Variants in DOK5 observed in about 807,000 individuals in gnomAD.
The protein encoded by DOK5 is downstream of tyrosine kinase 5.
Under a neutral mutation model 43.3 loss-of-function variants are expected in DOK5, and 27 were observed. The ratio of observed to expected loss-of-function variants is 0.62; its 90% CI spans 0.46 to 0.86. The LOEUF is 0.86. Among genes scored for constraint, DOK5 ranks in the 40% least tolerant of loss-of-function variants. The pLI, the probability that DOK5 is intolerant of heterozygous loss-of-function variation, is 0.00. For synonymous variants in DOK5, 146 were observed against 140.1 expected (o/e 1.04, Z -0.30); for missense variants, 373 against 392.9 (o/e 0.95, Z 0.43).
rs1985985691 is a variant in DOK5, at chr20:54,591,783, T to C, written c.577T>C (p.Trp193Arg). 1.2e-6 allele frequency: 2 copies of C among 1,612,552 alleles called. No individual in the cohort carries two copies. The highest frequency in any genetic ancestry group is 1.7e-6 in the Non-Finnish European group (2 of 1,179,654). Residue 193 changes from tryptophan (W) to arginine (R), a missense_variant, in exon 5 of 8, where the codon TGG (tryptophan) becomes CGG (arginine). Coordinates refer to ENST00000262593, the MANE Select transcript of DOK5 (RefSeq NM_018431.5). Reference protein sequence around the residue: ...ALRRYGRDTTWFTFEAGRMCE... With the variant: ...ALRRYGRDTTRFTFEAGRMCE... Reference sequence around the variant, plus strand: ...GCGGCGGTATGGACGTGATACTACGTGGTTCACTTTTGAGGCAGGGAGGTG... The same window carrying C: ...GCGGCGGTATGGACGTGATACTACGCGGTTCACTTTTGAGGCAGGGAGGTG...
intron 1 of DOK5, among the ~76,000 whole-genome samples, chr20:54,528,158 G>C (rs1197751680): frequency 6.6e-6 from 1 of 152,154 alleles, no homozygotes; most frequent in Non-Finnish European, 1.5e-5. Context: ...AGTGAGCTGA[G>C]ATCGTACCAT....
At chr20:54,607,894 AAC>A (rs58969703) in intron 5 of DOK5, among the ~76,000 whole-genome samples, 5 of 151,072 alleles carry the variant, frequency 3.3e-5, no homozygotes, top group Admixed American at 1.3e-4. Context: ...AACAAAACAA[AAC>A]AAAACAAAAC....
At chr20:54,642,556 A>AG (rs966041928) in intron 6 of DOK5, among the ~76,000 whole-genome samples, 35 of 148,108 alleles carry the variant, frequency 2.4e-4, no homozygotes, top group African/African-American at 8.7e-4. Context: ...ATACAAAAAA[A>AG]AAAAAAAAAA....
chr20:54,598,779 A>G (rs190552589), intron 5 of DOK5, among the ~76,000 whole-genome samples: 1 of 152,368 alleles, frequency 6.6e-6, no homozygotes, highest in Admixed American at 6.5e-5. Context: ...AATTGCATAT[A>G]CAAATACTTT....
chr20:54,646,356 T>C (rs1183138086), intron 7 of DOK5, among the ~76,000 whole-genome samples: 1 of 145,456 alleles, frequency 6.9e-6, no homozygotes, highest in East Asian at 2.2e-4. Flanking sequence ...TGGGCACCAG[T>C]GATCCTCCTG....
At chr20:54,513,167 A>G (rs1222609919) in intron 1 of DOK5, among the ~76,000 whole-genome samples, 1 of 152,152 alleles carries the variant, frequency 6.6e-6, no homozygotes, top group Non-Finnish European at 1.5e-5. Flanking sequence ...GAGTGTACCC[A>G]GGGATGCTCC....
At chr20:54,617,899 GC>G (rs1468808525) in intron 6 of DOK5, among the ~76,000 whole-genome samples, 4 of 152,064 alleles carry the variant, frequency 2.6e-5, no homozygotes, top group Non-Finnish European at 5.9e-5. Flanking sequence ...TATTTTTCAG[GC>G]CTCCTACAAT....
chr20:54,508,236 C>T (rs1982885040), intron 1 of DOK5, among the ~76,000 whole-genome samples: 1 of 152,028 alleles, frequency 6.6e-6, no homozygotes, highest in African/African-American at 2.4e-5. Context: ...ATTTCCTATA[C>T]ATGTGCACTG....
chr20:54,562,941 T>A (rs1238981608), intron 2 of DOK5, among the ~76,000 whole-genome samples: 1 of 152,162 alleles, frequency 6.6e-6, no homozygotes. Context: ...ATCTTTGTAA[T>A]GTATTCAAGT....
At chr20:54,570,231 T>C (rs1985240926) in intron 2 of DOK5, among the ~76,000 whole-genome samples, 1 of 152,228 alleles carries the variant, frequency 6.6e-6, no homozygotes, top group Non-Finnish European at 1.5e-5. Context: ...AACATAATCG[T>C]ATAAAAATAA....
chr20:54,525,809 A>C (rs1983553988), intron 1 of DOK5, among the ~76,000 whole-genome samples: 1 of 152,220 alleles, frequency 6.6e-6, no homozygotes, highest in Admixed American at 6.5e-5. Flanking sequence ...CAATCCTTTG[A>C]TCTCCGCTGA....
At position 54,482,743 on chromosome 20, in the gene DOK5, C is replaced by T. The variant is rs375739349; in HGVS notation, c.66+6731C>T. Among the ~76,000 whole-genome samples the T allele has an allele frequency of 5.2e-4, 79 of 152,288 alleles. 1 individual carries two copies. The highest frequency in any genetic ancestry group is 1.8e-3 in the African/African-American group (76 of 41,560). ...TATGCCTGACTTCTGGTGATCCACC[C>T]GTTTCAGCCTCCCAAAGTGCTGGGA... On this transcript the variant is annotated intron_variant, in intron 1 of 7. Transcript: ENST00000262593.
chr20:54,538,362 A>G (rs1267496702), intron 1 of DOK5, among the ~76,000 whole-genome samples: 5 of 152,180 alleles, frequency 3.3e-5, no homozygotes, highest in African/African-American at 4.8e-5. Context: ...AGAATCTTAT[A>G]CCTAGCAAAA....
At chr20:54,514,505 A>G (rs1308081597) in intron 1 of DOK5, among the ~76,000 whole-genome samples, 1 of 151,238 alleles carries the variant, frequency 6.6e-6, no homozygotes, top group Non-Finnish European at 1.5e-5. Flanking sequence ...CCTCTTGCTG[A>G]GGAACTTCAA....
Position 54,609,369 on chromosome 20 carries a change from C to T in DOK5, c.600-1019C>T, listed in dbSNP as rs532050352. On this transcript the variant is annotated intron_variant, in intron 5 of 7. Transcript: ENST00000262593. ...AACAAGCAAGCAAACAAAACAACCT[C>T]TTAGTTTACTGTTGGCATATGTATG... Among the ~76,000 whole-genome samples the T allele has an allele frequency of 1.2e-4, 18 of 152,268 alleles. No individual in the cohort carries two copies. The South Asian group carries it at 3.7e-3, about 32-fold the overall frequency.
chr20:54,554,686 T>C (rs1201038875), intron 1 of DOK5, among the ~76,000 whole-genome samples: 2 of 152,242 alleles, frequency 1.3e-5, no homozygotes, highest in African/African-American at 4.8e-5. Flanking sequence ...CCTAGTGATA[T>C]TGCTATCAAA....
intron 2 of DOK5, among the ~76,000 whole-genome samples, chr20:54,578,928 T>A (rs1198999535): frequency 1.3e-5 from 2 of 152,216 alleles, no homozygotes; most frequent in Admixed American, 6.6e-5. Flanking sequence ...TCACCCAGTT[T>A]CTGTTAAAAT....
At chr20:54,559,767 T>C (rs914954603) in intron 2 of DOK5, among the ~76,000 whole-genome samples, 2 of 152,224 alleles carry the variant, frequency 1.3e-5, no homozygotes, top group African/African-American at 4.8e-5. Flanking sequence ...CAGTCTGGGA[T>C]TTGCTGCTTT....
At chr20:54,598,921 A>G (rs1228967182) in intron 5 of DOK5, among the ~76,000 whole-genome samples, 1 of 152,238 alleles carries the variant, frequency 6.6e-6, no homozygotes, top group Non-Finnish European at 1.5e-5. Context: ...AATTGGTGAA[A>G]TAACTTTTCA....
Sources: allele counts gnomAD v4.1 joint callset (sites outside exome capture counted in the v4.1 genomes callset), GRCh38; gene constraint gnomAD v4.1.1; transcripts MANE v1.5; gene names NCBI Gene and HGNC (gene_info 2026-07-23, HGNC 2026-07-21).